Variants in FNBP1 observed in about 807,000 individuals in gnomAD.
FNBP1 encodes formin-binding protein 1.
A neutral mutation model predicts 90.6 loss-of-function variants in FNBP1; 26 were observed. That is an observed-to-expected ratio of 0.29 (90% CI 0.21 to 0.40). The LOEUF (loss-of-function observed/expected upper bound fraction) is 0.40, where lower values mean the gene tolerates loss of function less well. FNBP1 is among the 10% of genes least tolerant of loss of function. FNBP1 has a pLI of 1.00. For missense variants in FNBP1, 635 were observed against 768.0 expected (o/e 0.83, Z 2.05); for synonymous variants, 260 against 265.2 (o/e 0.98, Z 0.19).
chr9:130,038,141 T>G (rs2059492455), intron 1 of FNBP1, among the ~76,000 whole-genome samples: 2 of 151,656 alleles, frequency 1.3e-5, no homozygotes, highest in Non-Finnish European at 2.9e-5. Flanking sequence ...GATCACGAGG[T>G]CAGGAAATCG....
chr9:130,042,863 C>G lies in FNBP1; in HGVS notation c.24+89G>C. ...CCGACCAGCGCGCCCTCGCCTCCGC[C>G]CAGCAGCGCGGCCCGCGCCCCCTCC... On this transcript the variant is annotated intron_variant, in intron 1 of 16. Coordinates refer to ENST00000446176, the MANE Select transcript of FNBP1 (RefSeq NM_015033.3). The surrounding 1 kb of genome is among the most constrained non-coding windows in gnomAD (Gnocchi z 5.5). The G allele has an allele frequency of 1.0e-6, 1 of 966,820 alleles. No individual in the cohort carries two copies. Among genetic ancestry groups the G allele is most frequent in the Non-Finnish European group, 1.3e-6 (1 of 748,624 alleles). 59.9% of individuals were successfully genotyped at this position (966,820 alleles called of 1,614,324 possible).
intron 1 of FNBP1, among the ~76,000 whole-genome samples, chr9:130,039,676 CA>C (rs34484229): frequency 0.84 from 98,315 of 116,666 alleles, 41,385 homozygotes; most frequent in East Asian, 0.97. Context: ...AGCTTTGTCT[CA>C]AAAAAAAAAA....
intron 1 of FNBP1, among the ~76,000 whole-genome samples, chr9:130,035,445 C>A (rs756921570): frequency 4.2e-4 from 64 of 152,314 alleles, no homozygotes; most frequent in Non-Finnish European, 6.9e-4. Flanking sequence ...TCCACTCTTT[C>A]CCCTTCACAG....
chr9:129,953,199 A>T (rs1338094276), intron 6 of FNBP1, among the ~76,000 whole-genome samples: 1 of 152,168 alleles, frequency 6.6e-6, no homozygotes, highest in Non-Finnish European at 1.5e-5. Context: ...TTTAGTTAGA[A>T]ATCTTGCCAG....
chr9:130,017,887 T>G (rs1215925276), intron 1 of FNBP1, among the ~76,000 whole-genome samples: 1 of 150,708 alleles, frequency 6.6e-6, no homozygotes. Context: ...TTTTTTTTTT[T>G]TTTTTACCTC....
At chr9:129,999,445 A>G (rs146352985) in intron 1 of FNBP1, among the ~76,000 whole-genome samples, 215 of 152,230 alleles carry the variant, frequency 1.4e-3, no homozygotes, top group African/African-American at 4.9e-3. Context: ...AAGAAAAACA[A>G]AAAGTAGCCA....
chr9:129,989,980 C>T (rs1046970990), intron 2 of FNBP1, among the ~76,000 whole-genome samples: 3 of 151,408 alleles, frequency 2.0e-5, no homozygotes, highest in Admixed American at 6.6e-5. Flanking sequence ...GAGCCAAGAT[C>T]GTGCCACTGC....
chr9:129,984,767 A>C (rs2051884222), intron 2 of FNBP1, among the ~76,000 whole-genome samples: 2 of 152,138 alleles, frequency 1.3e-5, no homozygotes, highest in Non-Finnish European at 1.5e-5. Flanking sequence ...TATTCTCGTG[A>C]TAGTGAATAA....
chr9:130,046,570 A>C (rs1356745666), upstream of FNBP1, among the ~76,000 whole-genome samples: 1 of 116,006 alleles, frequency 8.6e-6, no homozygotes, highest in Non-Finnish European at 1.7e-5. Flanking sequence ...CCCTGTCTCT[A>C]CTAAAAATAC....
chr9:129,892,366 GAC>G (rs3138855), intron 16 of FNBP1, among the ~76,000 whole-genome samples: 1,780 of 103,452 alleles, frequency 0.017, 31 homozygotes, highest in African/African-American at 0.052. Flanking sequence ...GCACATCGTA[GAC>G]ACACACACAC....
At chr9:130,010,149 C>T (rs867009109) in intron 1 of FNBP1, among the ~76,000 whole-genome samples, 7 of 152,058 alleles carry the variant, frequency 4.6e-5, no homozygotes, top group Admixed American at 3.9e-4. Flanking sequence ...AATTTAAGTC[C>T]CTTGTGAGAC....
Position 129,996,076 on chromosome 9 carries a change from G to T in FNBP1, c.25-1118C>A, listed in dbSNP as rs1031702746. Among the ~76,000 whole-genome samples the T allele has an allele frequency of 1.2e-4, 18 of 152,308 alleles. No individual in the cohort carries two copies. The South Asian group carries it at 3.5e-3, about 30-fold the overall frequency. ...GGGAGGATTCCAGAGTGACTTTCAG[G>T]TTCTGCTTCCCGGAATTAAACAGAA... is the stretch of plus-strand genomic sequence containing the variant. On this transcript the variant is annotated intron_variant, in intron 1 of 16. Transcript: ENST00000446176.
chr9:129,920,815 A>G (rs1338845030), intron 10 of FNBP1, among the ~76,000 whole-genome samples: 1 of 152,242 alleles, frequency 6.6e-6, no homozygotes, highest in Non-Finnish European at 1.5e-5. Context: ...CAGAGATAAT[A>G]TATAAATATA....
In FNBP1 at chr9:129,947,747, C is replaced by A. The variant is rs559699101; in HGVS notation, c.513+9613G>T. On this transcript the variant is annotated intron_variant, in intron 6 of 16. Coordinates refer to ENST00000446176, the MANE Select transcript of FNBP1 (RefSeq NM_015033.3). Reference sequence around the variant, plus strand: ...AAGCGATTCTCCTGCCTCAGTCTCCCGAGTAGCTGACATTACAGGCATGCG... The same window carrying A: ...AAGCGATTCTCCTGCCTCAGTCTCCAGAGTAGCTGACATTACAGGCATGCG... Among the ~76,000 whole-genome samples, 7 of 151,458 alleles carry A rather than the reference C, an allele frequency of 4.6e-5. No homozygotes were observed. In the South Asian group the frequency reaches 1.5e-3, roughly 32 times the overall value.
At chr9:130,043,902 G>A (rs2060022398), upstream of FNBP1, among the ~76,000 whole-genome samples, 1 of 152,218 alleles carries the variant, frequency 6.6e-6, no homozygotes, top group Non-Finnish European at 1.5e-5. Context: ...CCAGCCTCCC[G>A]CACGTGCTGG....
intron 1 of FNBP1, among the ~76,000 whole-genome samples, chr9:130,009,169 C>G (rs1177475277): frequency 6.6e-6 from 1 of 152,004 alleles, no homozygotes; most frequent in African/African-American, 2.4e-5. Flanking sequence ...TAGTTAACAC[C>G]AAGGAAAAAG....
At chr9:129,986,173 G>A (rs1216180359) in intron 2 of FNBP1, among the ~76,000 whole-genome samples, 1 of 151,822 alleles carries the variant, frequency 6.6e-6, no homozygotes, top group African/African-American at 2.4e-5. Flanking sequence ...CAAAGTGAAA[G>A]ATATGACAGG....
intron 1 of FNBP1, among the ~76,000 whole-genome samples, chr9:130,040,627 A>G (rs1279490929): frequency 9.8e-4 from 1 of 1,024 alleles, no homozygotes. Flanking sequence ...TCCGTCTCAG[A>G]AAAAAAAAAA....
intron 6 of FNBP1, among the ~76,000 whole-genome samples, chr9:129,940,955 TAGGAACCC>T (rs1276129910): frequency 6.6e-6 from 1 of 151,880 alleles, no homozygotes; most frequent in African/African-American, 2.4e-5. Flanking sequence ...ACAAATCCTC[TAGGAACCC>T]CAAACAGAAT....
Sources: gnomAD v4.1 joint callset for allele counts (sites outside exome capture counted in the v4.1 genomes callset) on GRCh38, gnomAD v4.1.1 for gene constraint, Gnocchi (gnomAD v3.1) non-coding constraint, MANE v1.5 for transcripts, NCBI Gene and HGNC (gene_info 2026-07-23, HGNC 2026-07-21) for gene names.